The following DENND3 variants were observed in gnomAD, a reference collection of about 807,000 sequenced individuals.
DENND3 encodes DENN domain containing 3, also known as DENN domain-containing protein 3.
DENND3 carries 88 observed loss-of-function variants against 135.1 expected under a neutral mutation model. The observed-to-expected ratio is 0.65, with a 90% CI of 0.55 to 0.78. DENND3 has a LOEUF of 0.78. Among genes scored for constraint, DENND3 ranks in the 30% least tolerant of loss-of-function variants. The pLI, the probability that DENND3 is intolerant of heterozygous loss-of-function variation, is 0.00. For synonymous variants in DENND3, 693 were observed against 712.3 expected, an observed-to-expected ratio of 0.97 and a Z score of 0.43; for missense variants, 1,392 against 1,688.4, an observed-to-expected ratio of 0.82 and a Z score of 3.08.
chr8:141,133,461 A>T (rs536508061), intron 1 of DENND3, among the ~76,000 whole-genome samples: 1 of 152,292 alleles, frequency 6.6e-6, no homozygotes, highest in African/African-American at 2.4e-5. Context: ...TTGCGGTCAG[A>T]CAGGGACGTC....
At chr8:141,187,936 C>T (rs1824114679) in intron 18 of DENND3, among the ~76,000 whole-genome samples, 1 of 152,176 alleles carries the variant, frequency 6.6e-6, no homozygotes, top group African/African-American at 2.4e-5. Flanking sequence ...CCTGTAATCC[C>T]AGCACTTTGG....
At chr8:141,135,303 C>T (rs556941864) in intron 1 of DENND3, among the ~76,000 whole-genome samples, 2 of 152,160 alleles carry the variant, frequency 1.3e-5, no homozygotes, top group Non-Finnish European at 2.9e-5. Flanking sequence ...AGGCATGTGC[C>T]ACTATGCCTG....
At position 141,130,722 on chromosome 8, in the gene DENND3, T is replaced by C. The variant is rs1672815797; in HGVS notation, c.102+1913T>C. On this transcript the variant is annotated intron_variant, in intron 1 of 22. Transcript: ENST00000519811. This position sits in a 1 kb window ranked among gnomAD's most constrained non-coding sequence, Gnocchi z 4.2. ...TTTTTTTTGAGACAGAGTTTTGCTC[T>C]GTTGCCCAGGATGGAGTGCCATGGT... Among the ~76,000 whole-genome samples the C allele has an allele frequency of 1.3e-5, 2 of 151,984 alleles. No homozygotes were observed. The highest frequency in any genetic ancestry group is 4.8e-5 in the African/African-American group (2 of 41,342).
rs1052979613 is a variant in DENND3, at chr8:141,150,335, A to AGTGT, written c.736-497_736-494dup. On this transcript the variant is annotated intron_variant, in intron 5 of 22. Coordinates refer to ENST00000519811, the MANE Select transcript of DENND3 (RefSeq NM_001352890.3). The stretch of plus-strand genomic sequence containing the variant: ...TCTGTGAATACAGAATTTGAACTGA[A>AGTGT]GTGTGACTTCAAAGTAATACATTTA... 1.2e-4 allele frequency: 155 copies of AGTGT among 1,280,430 alleles called. No homozygotes were observed. In the African/African-American group the frequency reaches 2.1e-3, roughly 17 times the overall value. The allele number at this position is 1,280,430 out of a possible 1,614,324, so 79.3% of individuals were successfully genotyped here. A position where few individuals can be genotyped will look rare whatever the true frequency, so the allele number is the denominator to read the frequency against.
At chr8:141,190,180 G>C in intron 19 of DENND3, 104 bp from the exon 20 acceptor site, 6 of 1,406,404 alleles carry the variant, frequency 4.3e-6, no homozygotes, top group Non-Finnish European at 5.6e-6. Context: ...TCCGTGTTGA[G>C]CACATTTTCT....
At chr8:141,136,896 A>G (rs1231915744) in intron 2 of DENND3, 105 bp downstream of exon 2, 1 of 1,241,840 alleles carries the variant, frequency 8.1e-7, no homozygotes, top group Admixed American at 3.5e-5. Context: ...TGAGCGGCAG[A>G]GCCAGGGACC....
rs765147406 is a variant in DENND3, at chr8:141,136,677, CCCAGA to C, written c.277_281del (p.Pro93AlafsTer15). Reference sequence around the variant, plus strand: ...CTCCTTGAGAAAGAAGAGAGAGAAGCCCAGACCAGAGCAGTGGAAGGGCCTCCCGG... The same window carrying C: ...CTCCTTGAGAAAGAAGAGAGAGAAGCCCAGAGCAGTGGAAGGGCCTCCCGG... On this transcript the variant is annotated frameshift_variant, in exon 2 of 23. Transcript: ENST00000519811. LOFTEE classifies it high-confidence loss of function. 6.2e-7 allele frequency: 1 copy of C among 1,613,300 alleles called. No individual in the cohort carries two copies. Among genetic ancestry groups the C allele is most frequent in the South Asian group, 1.1e-5 (1 of 90,822 alleles).
intron 18 of DENND3, among the ~76,000 whole-genome samples, chr8:141,186,457 G>A (rs1823902141): frequency 6.6e-6 from 1 of 152,202 alleles, no homozygotes; most frequent in Non-Finnish European, 1.5e-5. Flanking sequence ...ACGTGGCCCA[G>A]GACGGCTTTG....
Position 141,128,936 on chromosome 8 carries a change from C to T in DENND3, c.102+127C>T. The T allele has an allele frequency of 1.5e-6, 1 of 674,636 alleles. No homozygotes were observed. The highest frequency in any genetic ancestry group is 3.5e-5 in the East Asian group (1 of 28,392). 41.8% of individuals were successfully genotyped at this position (674,636 alleles called of 1,614,324 possible). A position where few individuals can be genotyped will look rare whatever the true frequency, so the allele number is the denominator to read the frequency against. The stretch of plus-strand genomic sequence containing the variant: ...TTCCGAGGGCTGAGTCCCGGTCCCC[C>T]GGCGGTGACCCCGCGCGCCTGTGGC... On this transcript the variant is annotated intron_variant, in intron 1 of 22. Transcript: ENST00000519811. This position sits in a 1 kb window ranked among gnomAD's most constrained non-coding sequence, Gnocchi z 4.5.
chr8:141,152,269 A>G (rs1253420221), intron 7 of DENND3, among the ~76,000 whole-genome samples: 5 of 152,246 alleles, frequency 3.3e-5, no homozygotes, highest in Non-Finnish European at 7.3e-5. Context: ...TTGAGATACA[A>G]TTTACATACC....
At chr8:141,189,251 G>A (rs983956252) in intron 19 of DENND3, 105 bp downstream of exon 19, 4 of 1,474,602 alleles carry the variant, frequency 2.7e-6, no homozygotes, top group Non-Finnish European at 3.7e-6. Flanking sequence ...GCCAGGCGGG[G>A]CGTACAGAGT....
chr8:141,159,899 T>A (rs1819917489), intron 8 of DENND3, among the ~76,000 whole-genome samples: 1 of 152,184 alleles, frequency 6.6e-6, no homozygotes. Context: ...CCGGGACGTT[T>A]GTTGCAGGGC....
rs1313910852 is a variant in DENND3 at position 141,154,746 on chromosome 8, A to G, written c.1075-1103A>G. 2.0e-5 allele frequency among the ~76,000 whole-genome samples: 3 copies of G among 152,022 alleles called. No individual in the cohort carries two copies. The highest frequency in any genetic ancestry group is 7.3e-5 in the African/African-American group (3 of 41,372). ...CCTGGGTAATTTTTGTATTTTTAGT[A>G]GAGACGAGGTTTCACCATGTTGGCC... On this transcript the variant is annotated intron_variant, in intron 7 of 22. Transcript: ENST00000519811. This position sits in a 1 kb window ranked among gnomAD's most constrained non-coding sequence, Gnocchi z 4.4.
chr8:141,132,584 T>C (rs975152183), intron 1 of DENND3, among the ~76,000 whole-genome samples: 4 of 152,324 alleles, frequency 2.6e-5, no homozygotes, highest in African/African-American at 7.2e-5. Context: ...CTTGAACTCC[T>C]GACCTCAGGT....
At chr8:141,136,246 T>C (rs1816771421) in intron 1 of DENND3, among the ~76,000 whole-genome samples, 1 of 152,148 alleles carries the variant, frequency 6.6e-6, no homozygotes, top group Non-Finnish European at 1.5e-5. Flanking sequence ...GGCAGTGCTT[T>C]ATAGGAAGGA....
rs995797139 is a variant in DENND3 at position 141,137,008 on chromosome 8, G to A, written c.385+217G>A. Among the ~76,000 whole-genome samples, 19 of 151,962 alleles carry A rather than the reference G, an allele frequency of 1.3e-4. No homozygotes were observed. Among genetic ancestry groups the A allele is most frequent in the African/African-American group, 3.9e-4 (16 of 41,408 alleles). On this transcript the variant is annotated intron_variant, in intron 2 of 22. Transcript: ENST00000519811. The surrounding 1 kb of genome is among the most constrained non-coding windows in gnomAD (Gnocchi z 4.1). ...TTTATTTACTTTTTTGAGACGGAGCGTCACTCTGTCACTCAGGCTGGAGTT... is the reference window on the plus strand; with the variant it reads ...TTTATTTACTTTTTTGAGACGGAGCATCACTCTGTCACTCAGGCTGGAGTT...
At chr8:141,159,033 GTT>G (rs1166166309) in intron 8 of DENND3, among the ~76,000 whole-genome samples, 1 of 152,258 alleles carries the variant, frequency 6.6e-6, no homozygotes, top group African/African-American at 2.4e-5. Flanking sequence ...TGAAAGGCCA[GTT>G]TGGTGCTGGT....
At chr8:141,159,294 G>T (rs1819836869) in intron 8 of DENND3, among the ~76,000 whole-genome samples, 1 of 152,136 alleles carries the variant, frequency 6.6e-6, no homozygotes, top group Non-Finnish European at 1.5e-5. Context: ...GGGGCCTGTG[G>T]CCAGTGCACC....
chr8:141,151,238 G>A (rs1012611475), intron 6 of DENND3, among the ~76,000 whole-genome samples: 1 of 152,182 alleles, frequency 6.6e-6, no homozygotes. Flanking sequence ...GTGTTTATGA[G>A]CATTTTCTCT....
Sources: allele counts gnomAD v4.1 joint callset (sites outside exome capture counted in the v4.1 genomes callset), GRCh38; gene constraint gnomAD v4.1.1; non-coding constraint Gnocchi (gnomAD v3.1); transcripts MANE v1.5; gene names NCBI Gene and HGNC (gene_info 2026-07-23, HGNC 2026-07-21).